RGS6: variants seen among roughly 807,000 people sequenced by gnomAD.
RGS6 encodes the protein regulator of G-protein signaling 6.
A neutral mutation model predicts 78.5 loss-of-function variants in RGS6; 30 were observed. That is an observed-to-expected ratio of 0.38 (90% CI 0.29 to 0.52). RGS6 has a LOEUF of 0.52. RGS6 is among the 20% of genes least tolerant of loss of function. The pLI, the probability that RGS6 is intolerant of heterozygous loss-of-function variation, is 0.85. For synonymous variants in RGS6, 206 were observed against 206.0 expected (o/e 1.00, Z 0.00); for missense variants, 495 against 609.7 (o/e 0.81, Z 1.98).
the RGS6 span, among the ~76,000 whole-genome samples, chr14:72,626,654 C>T: frequency 2.0e-5 from 3 of 152,202 alleles, no homozygotes; most frequent in South Asian, 6.2e-4. Flanking sequence ...TAACCTTATG[C>T]ATTCCATCAT....
At chr14:72,019,999 C>T (rs935442172) in intron 2 of RGS6, among the ~76,000 whole-genome samples, 8 of 152,148 alleles carry the variant, frequency 5.3e-5, no homozygotes, top group Non-Finnish European at 1.0e-4. Flanking sequence ...CCTGACCTGT[C>T]GGGGAGAGGT....
chr14:72,437,023 T>A (rs1050105092), intron 3 of RGS6, among the ~76,000 whole-genome samples: 1 of 152,058 alleles, frequency 6.6e-6, no homozygotes, highest in African/African-American at 2.4e-5. Context: ...TTCATTTTTT[T>A]ATTGTCAACA....
intron 2 of RGS6, among the ~76,000 whole-genome samples, chr14:72,090,770 G>A (rs751929535): frequency 1.1e-4 from 16 of 152,170 alleles, no homozygotes; most frequent in Non-Finnish European, 1.8e-4. Context: ...AGAGTGCCCA[G>A]CCAGGGAGTG....
chr14:72,452,177 C>T (rs1174187850), intron 3 of RGS6, among the ~76,000 whole-genome samples: 3 of 151,962 alleles, frequency 2.0e-5, no homozygotes, highest in Non-Finnish European at 4.4e-5. Flanking sequence ...ACTTGTATAA[C>T]TTGGAGGAAA....
At chr14:71,948,741 T>TTTAA (rs1555396460) in intron 1 of RGS6, among the ~76,000 whole-genome samples, 1 of 73,454 alleles carries the variant, frequency 1.4e-5, no homozygotes, top group Non-Finnish European at 2.9e-5. Context: ...TCTCTCTCTC[T>TTTAA]TTTTTTTTTT....
intron 2 of RGS6, among the ~76,000 whole-genome samples, chr14:71,984,617 T>G (rs1426889850): frequency 6.6e-6 from 1 of 151,896 alleles, no homozygotes; most frequent in Non-Finnish European, 1.5e-5. Flanking sequence ...TGATTCCAGG[T>G]GATGGGAGCT....
intron 2 of RGS6, among the ~76,000 whole-genome samples, chr14:72,078,423 T>C (rs185551066): frequency 4.7e-4 from 71 of 152,178 alleles, no homozygotes; most frequent in East Asian, 2.5e-3. Flanking sequence ...TTCTTTCTTT[T>C]TTTTTTAAGA....
At chr14:72,271,864 C>G (rs2059991353) in intron 2 of RGS6, among the ~76,000 whole-genome samples, 1 of 151,964 alleles carries the variant, frequency 6.6e-6, no homozygotes, top group Non-Finnish European at 1.5e-5. Context: ...GGCTCTTTGC[C>G]CCTTCCCTTC....
chr14:71,905,608 G>A, the RGS6 span, among the ~76,000 whole-genome samples: 2 of 152,072 alleles, frequency 1.3e-5, no homozygotes, highest in East Asian at 3.9e-4. Context: ...CTGTGCCTCA[G>A]CCTCCTGAGT....
the RGS6 span, among the ~76,000 whole-genome samples, chr14:71,910,910 A>G: frequency 2.0e-5 from 3 of 152,160 alleles, no homozygotes; most frequent in African/African-American, 7.2e-5. Context: ...GTGTGGATCA[A>G]TGACACCTGA....
chr14:72,428,836 G>C (rs148100027), intron 3 of RGS6, among the ~76,000 whole-genome samples: 5 of 152,310 alleles, frequency 3.3e-5, no homozygotes, highest in Admixed American at 6.5e-5. Context: ...TAAGTCAGTG[G>C]TTGTCAACTG....
intron 3 of RGS6, among the ~76,000 whole-genome samples, chr14:72,443,235 G>C (rs1267551321): frequency 6.6e-6 from 1 of 152,208 alleles, no homozygotes; most frequent in East Asian, 1.9e-4. Context: ...ACAGAACAGA[G>C]TCTGAGGTAG....
chr14:72,484,768 A>G (rs1326097245), intron 12 of RGS6, among the ~76,000 whole-genome samples: 1 of 152,108 alleles, frequency 6.6e-6, no homozygotes, highest in Non-Finnish European at 1.5e-5. Flanking sequence ...TCCTCCTACC[A>G]GGATTGGTTA....
chr14:71,893,701 A>G, the RGS6 span, among the ~76,000 whole-genome samples: 1 of 152,140 alleles, frequency 6.6e-6, no homozygotes, highest in South Asian at 2.1e-4. Flanking sequence ...AGCCAAGCAC[A>G]TGTGCATTGG....
intron 17 of RGS6, among the ~76,000 whole-genome samples, chr14:72,558,838 T>C (rs1047439165): frequency 1.3e-5 from 2 of 152,236 alleles, no homozygotes; most frequent in African/African-American, 2.4e-5. Flanking sequence ...GGAATGTACC[T>C]TCTGCAGCTC....
rs942381416 is a variant in RGS6, at chr14:72,087,799, C to T, written c.84+122924C>T. On this transcript the variant is annotated intron_variant, in intron 2 of 17. Coordinates refer to ENST00000553525, the MANE Select transcript of RGS6 (RefSeq NM_001204424.2). ...AAGTTTTAAAAGACCCACAAATGGGCCAGTGATGATAGTTTTTCCAGAATT... is the reference window on the plus strand; with the variant it reads ...AAGTTTTAAAAGACCCACAAATGGGTCAGTGATGATAGTTTTTCCAGAATT... Among the ~76,000 whole-genome samples the T allele has an allele frequency of 4.6e-5, 7 of 151,984 alleles. No homozygotes were observed. In the South Asian group the frequency reaches 1.5e-3, roughly 32 times the overall value.
chr14:72,248,436 T>C (rs942709947), intron 2 of RGS6, among the ~76,000 whole-genome samples: 5 of 152,206 alleles, frequency 3.3e-5, no homozygotes, highest in Admixed American at 6.5e-5. Context: ...TAATTTTAAA[T>C]CAATTCATAA....
In RGS6 at chr14:72,399,920, C is replaced by T. The variant is rs1185808280; in HGVS notation, c.184+47726C>T. Among the ~76,000 whole-genome samples the T allele has an allele frequency of 2.6e-5, 4 of 152,110 alleles. No homozygotes were observed. In the East Asian group the frequency reaches 5.8e-4, roughly 22 times the overall value. On this transcript the variant is annotated intron_variant, in intron 3 of 17. Transcript: ENST00000553525. The stretch of plus-strand genomic sequence containing the variant: ...CCCAAATCTACATCTAATTGATGTA[C>T]CTGAAAGTGACTGGGAGAATGGAAC...
chr14:72,166,116 ACACACACACACACACACAC>A, intron 2 of RGS6, among the ~76,000 whole-genome samples: 1 of 151,588 alleles, frequency 6.6e-6, no homozygotes, highest in Non-Finnish European at 1.5e-5. Flanking sequence ...ACACACACAC[ACACACACACACACACACAC>A]ACAGACTGAC....
Sources: allele counts gnomAD v4.1 joint callset (sites outside exome capture counted in the v4.1 genomes callset), GRCh38; gene constraint gnomAD v4.1.1; transcripts MANE v1.5; gene names NCBI Gene and HGNC (gene_info 2026-07-23, HGNC 2026-07-21).